Variants in DST observed in about 807,000 individuals in gnomAD.
DST encodes the protein dystonin.
In DST, 253 loss-of-function variants were observed where a neutral mutation model predicts 875.2. That is an observed-to-expected ratio of 0.29 (90% CI 0.26 to 0.32). DST has a LOEUF of 0.32. DST is among the 10% of genes least tolerant of loss of function. DST has a pLI of 1.00. For missense variants in DST, 8,287 were observed against 9,111.6 expected, an observed-to-expected ratio of 0.91 and a Z score of 3.68; for synonymous variants, 3,124 against 3,197.1, an observed-to-expected ratio of 0.98 and a Z score of 0.77.
chr6:56,830,632 C>A (rs574286877), intron 4 of DST, among the ~76,000 whole-genome samples: 1 of 152,138 alleles, frequency 6.6e-6, no homozygotes, highest in East Asian at 1.9e-4. Flanking sequence ...CAATTAACAA[C>A]GAAAGCAAGA....
chr6:56,906,272 G>T (rs1425462230), intron 2 of DST, among the ~76,000 whole-genome samples: 1 of 152,154 alleles, frequency 6.6e-6, no homozygotes, highest in East Asian at 1.9e-4. Flanking sequence ...CAGATACTCA[G>T]GGTACAAAAG....
intron 78 of DST, among the ~76,000 whole-genome samples, chr6:56,503,627 A>ACACACACC (rs1478684126): frequency 7.4e-5 from 11 of 149,548 alleles, no homozygotes; most frequent in East Asian, 5.9e-4. Flanking sequence ...ACACACACAC[A>ACACACACC]CCCCATGTCC....
chr6:56,866,358 A>T (rs1235735718), intron 3 of DST, among the ~76,000 whole-genome samples: 1 of 152,164 alleles, frequency 6.6e-6, no homozygotes, highest in African/African-American at 2.4e-5. Flanking sequence ...TTATTGGAAA[A>T]TATCTTCCAA....
intron 4 of DST, among the ~76,000 whole-genome samples, chr6:56,741,223 G>T (rs975828202): frequency 2.0e-5 from 3 of 152,274 alleles, no homozygotes; most frequent in Non-Finnish European, 4.4e-5. Context: ...GATCAATGAG[G>T]TTTTGTTGTT....
At chr6:56,488,221 CA>C (rs1267989311) in intron 86 of DST, among the ~76,000 whole-genome samples, 1 of 151,976 alleles carries the variant, frequency 6.6e-6, no homozygotes, top group Non-Finnish European at 1.5e-5. Flanking sequence ...AGCAGATATA[CA>C]AAAAATGTTA....
intron 3 of DST, among the ~76,000 whole-genome samples, chr6:56,858,701 C>A (rs1769344644): frequency 6.6e-6 from 1 of 152,134 alleles, no homozygotes; most frequent in Admixed American, 6.6e-5. Context: ...ATAGGGATAT[C>A]ACTTTGAATC....
intron 4 of DST, among the ~76,000 whole-genome samples, chr6:56,783,296 A>G (rs553495357): frequency 1.7e-4 from 26 of 152,142 alleles, no homozygotes; most frequent in South Asian, 1.5e-3. Context: ...TTTCTGTCTC[A>G]TTGATCTGTC....
At chr6:56,698,503 T>C (rs933713688) in intron 9 of DST, among the ~76,000 whole-genome samples, 25 of 152,250 alleles carry the variant, frequency 1.6e-4, no homozygotes, top group African/African-American at 5.3e-4. Flanking sequence ...TTTTTTGTAT[T>C]TCTTAGTAGA....
chr6:56,609,271 C>A lies in DST; in HGVS notation c.5357G>T (p.Arg1786Ile), dbSNP rs1208952997. 1 of 1,613,636 alleles carries A rather than the reference C, an allele frequency of 6.2e-7. No individual in the cohort carries two copies. The highest frequency in any genetic ancestry group is 1.3e-5 in the African/African-American group (1 of 75,016). Residue 1786 changes from arginine (R) to isoleucine (I), a missense_variant, in exon 40 of 104, where the codon AGA becomes ATA. Arg to Ile is a moderately conservative substitution (Grantham distance 97, BLOSUM62 -3). Around this residue, in one of 10 missense-constraint regions of DST, gnomAD observed 3,138 missense variants for 3,116.6 expected, o/e 1.01. Transcript: ENST00000680361. The stretch of plus-strand genomic sequence containing the variant: ...TCCTGTGTCATAGTCAATGAGGCCT[C>A]TTAAAACTGCTTGAAAGACTGAAAG... ...EVLSVFQAVL[R>I]GLIDYDTGIR...
At chr6:56,643,029 T>A in intron 15 of DST, 1 of 882,720 alleles carries the variant, frequency 1.1e-6, no homozygotes, top group African/African-American at 1.7e-5. Context: ...CTTTTGTAGC[T>A]TGTATTAAAA....
intron 5 of DST, among the ~76,000 whole-genome samples, chr6:56,728,973 TACACAC>T (rs35066414): frequency 0.013 from 1,683 of 132,086 alleles, 31 homozygotes; most frequent in African/African-American, 0.039. Context: ...ATAAAAAAAG[TACACAC>T]ACACACACAC....
chr6:56,513,774 G>A (rs537475684), intron 72 of DST, among the ~76,000 whole-genome samples: 1 of 152,244 alleles, frequency 6.6e-6, no homozygotes, highest in Non-Finnish European at 1.5e-5. Context: ...AAAAGGAGAT[G>A]CCTTTTGCCT....
chr6:56,521,062 G>T (rs976466353), intron 69 of DST, among the ~76,000 whole-genome samples: 1 of 151,998 alleles, frequency 6.6e-6, no homozygotes, highest in Non-Finnish European at 1.5e-5. Context: ...AGTTATTCAT[G>T]AGCAATTATT....
At chr6:56,883,754 CT>C (rs770727598) in intron 3 of DST, among the ~76,000 whole-genome samples, 9 of 152,134 alleles carry the variant, frequency 5.9e-5, no homozygotes, top group Non-Finnish European at 1.2e-4. Flanking sequence ...AACTATACCC[CT>C]ATCCACATTT....
At position 56,646,569 on chromosome 6, in the gene DST, A is replaced by T. The variant is rs75071595; in HGVS notation, c.1555-387T>A. Among the ~76,000 whole-genome samples the T allele has an allele frequency of 4.3e-4, 65 of 152,324 alleles. No homozygotes were observed. In the East Asian group the frequency reaches 0.012, roughly 28 times the overall value. On this transcript the variant is annotated intron_variant, in intron 13 of 103. Transcript: ENST00000680361. The stretch of plus-strand genomic sequence containing the variant: ...GGAAAAATAATTTGAAGCAATTCCC[A>T]TAAAGAAAGCAATAAAAAAACTCTC...
chr6:56,882,883 C>G (rs572003541), intron 3 of DST, among the ~76,000 whole-genome samples: 3 of 152,088 alleles, frequency 2.0e-5, no homozygotes, highest in South Asian at 4.1e-4. Context: ...CTTTTCCCCC[C>G]CAAGACAGAG....
Position 56,704,289 on chromosome 6 carries a change from T to G in DST, c.768A>C (p.Gly256=). 1 of 1,509,860 alleles carries G rather than the reference T, an allele frequency of 6.6e-7. No homozygotes were observed. The highest frequency in any genetic ancestry group is 2.3e-5 in the East Asian group (1 of 43,160). 93.5% of individuals were successfully genotyped at this position (1,509,860 alleles called of 1,614,324 possible). ...GAAAGTTAAAACTTACCAAGGTATC[T>G]CCTGAAAGAACCTCTAAAAGAGAAA... ...NLISLLEVLS[G]DTLPRERDFL... is the part of the protein sequence containing the mutation. The change falls in exon 6 of 104, where the codon GGA becomes GGC. Residue 256 remains glycine, a synonymous_variant. Coordinates refer to ENST00000680361, the MANE Select transcript of DST (RefSeq NM_001374736.1).
intron 47 of DST, among the ~76,000 whole-genome samples, chr6:56,594,736 T>A (rs1015399130): frequency 3.3e-5 from 5 of 152,162 alleles, no homozygotes; most frequent in African/African-American, 1.2e-4. Context: ...GAAGCAGATA[T>A]AATAAAAGAG....
At chr6:56,620,291 G>C in intron 36 of DST, 1 of 1,613,940 alleles carries the variant, frequency 6.2e-7, no homozygotes, top group Non-Finnish European at 8.5e-7. Flanking sequence ...TGTTCGTCTG[G>C]TAAAGGTGTT....
Sources: allele counts gnomAD v4.1 joint callset (sites outside exome capture counted in the v4.1 genomes callset), GRCh38; gene constraint gnomAD v4.1.1; regional missense constraint gnomAD v4.1.1; transcripts MANE v1.5; gene names NCBI Gene and HGNC (gene_info 2026-07-23, HGNC 2026-07-21).